RPAP2: variants seen among roughly 807,000 people sequenced by gnomAD.
The protein encoded by RPAP2 is putative RNA polymerase II subunit B1 CTD phosphatase RPAP2.
RPAP2 carries 52 observed loss-of-function variants against 73.1 expected under a neutral mutation model. The ratio of observed to expected loss-of-function variants is 0.71; its 90% CI spans 0.57 to 0.90. The LOEUF (loss-of-function observed/expected upper bound fraction) is 0.90, where lower values mean the gene tolerates loss of function less well. Ranked by LOEUF, RPAP2 falls within the 40% of genes least tolerant of loss-of-function variation. RPAP2 has a pLI of 0.00. For missense variants in RPAP2, 598 were observed against 701.8 expected (o/e 0.85, Z 1.67); for synonymous variants, 225 against 242.1 (o/e 0.93, Z 0.65).
intron 6 of RPAP2, among the ~76,000 whole-genome samples, chr1:92,313,484 A>G (rs531038586): frequency 1.4e-5 from 2 of 147,952 alleles, no homozygotes; most frequent in African/African-American, 5.0e-5. Context: ...CAGTTGGCTT[A>G]AAATATTCAG....
chr1:92,355,934 T>C (rs1172923709), intron 11 of RPAP2, among the ~76,000 whole-genome samples: 4 of 152,228 alleles, frequency 2.6e-5, no homozygotes, highest in Non-Finnish European at 4.4e-5. Context: ...ATCAAAGATA[T>C]GGAACTTTTC....
At chr1:92,314,172 T>C (rs996121037) in intron 6 of RPAP2, among the ~76,000 whole-genome samples, 4 of 152,212 alleles carry the variant, frequency 2.6e-5, no homozygotes, top group Non-Finnish European at 4.4e-5. Flanking sequence ...ACTGGCAAAA[T>C]AGGCCTAGCT....
chr1:92,325,739 A>G (rs1021849493), intron 8 of RPAP2, among the ~76,000 whole-genome samples: 1 of 152,076 alleles, frequency 6.6e-6, no homozygotes, highest in Non-Finnish European at 1.5e-5. Context: ...CCTCCTAATC[A>G]GCACCTCTTT....
intron 6 of RPAP2, among the ~76,000 whole-genome samples, chr1:92,320,288 T>C (rs1358758108): frequency 4.6e-5 from 7 of 152,144 alleles, no homozygotes; most frequent in Non-Finnish European, 1.0e-4. Flanking sequence ...TCTTTTTTTT[T>C]CTTAAGATGG....
chr1:92,380,115 CAAA>C (rs888455299), intron 11 of RPAP2, among the ~76,000 whole-genome samples: 1 of 146,542 alleles, frequency 6.8e-6, no homozygotes, highest in East Asian at 2.1e-4. Context: ...CCGTCTCTAC[CAAA>C]AAAACGAAAA....
intron 8 of RPAP2, among the ~76,000 whole-genome samples, chr1:92,325,601 C>T (rs2101189347): frequency 6.6e-6 from 1 of 152,034 alleles, no homozygotes; most frequent in Non-Finnish European, 1.5e-5. Flanking sequence ...AAAACATTTC[C>T]ATTGAAGTAC....
rs748005964 is a variant in RPAP2 at position 92,395,418 on chromosome 1, T to C, written c.*8407T>C. ...TCGGAAGCCAAGGAGGGTGGACCAC[T>C]TGAGCTCAGGAATTTGAGACCAGAC... On this transcript the variant is annotated 3_prime_UTR_variant, in exon 13 of 13. Coordinates refer to ENST00000610020, the MANE Select transcript of RPAP2 (RefSeq NM_024813.3). 5.3e-5 allele frequency: 8 copies of C among 152,050 alleles called. No individual in the cohort carries two copies. The highest frequency in any genetic ancestry group is 1.2e-4 in the Non-Finnish European group (8 of 68,010). The allele number at this position is 152,050 out of a possible 1,614,324, so 9.4% of individuals were successfully genotyped here.
chr1:92,340,385 A>G (rs1451790781), intron 10 of RPAP2, among the ~76,000 whole-genome samples: 2 of 152,338 alleles, frequency 1.3e-5, no homozygotes, highest in Admixed American at 1.3e-4. Context: ...AAGCTTCTGG[A>G]AAAATGCCAT....
At chr1:92,372,733 G>A (rs1415450387) in intron 11 of RPAP2, among the ~76,000 whole-genome samples, 1 of 152,086 alleles carries the variant, frequency 6.6e-6, no homozygotes, top group Admixed American at 6.6e-5. Flanking sequence ...GGGCAATATA[G>A]CAAGACACTA....
chr1:92,381,396 A>G (rs1655622103), intron 12 of RPAP2, among the ~76,000 whole-genome samples: 2 of 152,038 alleles, frequency 1.3e-5, no homozygotes, highest in African/African-American at 4.8e-5. Context: ...TACTATCCCA[A>G]ACCCTTCCCT....
In RPAP2 at chr1:92,395,980, C is replaced by G. The variant is rs900374920; in HGVS notation, c.*8969C>G. On this transcript the variant is annotated 3_prime_UTR_variant, in exon 13 of 13. Coordinates refer to ENST00000610020, the MANE Select transcript of RPAP2 (RefSeq NM_024813.3). ...TGGTGATGATGTGGAGAAACTGGAG[C>G]CCTAATGCATTGCTGGTGGGAATGT... 1 of 152,044 alleles carries G rather than the reference C, an allele frequency of 6.6e-6. No homozygotes were observed. The highest frequency in any genetic ancestry group is 1.5e-5 in the Non-Finnish European group (1 of 68,010). The allele number at this position is 152,044 out of a possible 1,614,324, so 9.4% of individuals were successfully genotyped here.
intron 11 of RPAP2, among the ~76,000 whole-genome samples, chr1:92,379,543 T>C (rs763764622): frequency 6.6e-6 from 1 of 152,156 alleles, no homozygotes; most frequent in Non-Finnish European, 1.5e-5. Flanking sequence ...TCTTTAGGAG[T>C]ACTTACTGGA....
intron 11 of RPAP2, among the ~76,000 whole-genome samples, chr1:92,356,814 G>T (rs887200279): frequency 4.0e-5 from 6 of 151,684 alleles, no homozygotes; most frequent in African/African-American, 1.2e-4. Flanking sequence ...TGTAATCCCA[G>T]CACTTTGGGA....
chr1:92,369,947 C>T (rs1342686664), intron 11 of RPAP2, among the ~76,000 whole-genome samples: 4 of 152,114 alleles, frequency 2.6e-5, no homozygotes, highest in Non-Finnish European at 4.4e-5. Flanking sequence ...TGCAGTGGTG[C>T]GATCTCGGCT....
At chr1:92,321,174 C>CA (rs1652233661) in intron 7 of RPAP2, among the ~76,000 whole-genome samples, 1 of 152,202 alleles carries the variant, frequency 6.6e-6, no homozygotes, top group African/African-American at 2.4e-5. Context: ...ACCTTAGTCA[C>CA]ATGGCGTTGA....
chr1:92,385,324 A>G (rs544619798), intron 12 of RPAP2, among the ~76,000 whole-genome samples: 1 of 152,374 alleles, frequency 6.6e-6, no homozygotes, highest in South Asian at 2.1e-4. Context: ...AGATGATGTT[A>G]AAGTAGTTTT....
intron 6 of RPAP2, among the ~76,000 whole-genome samples, chr1:92,314,565 C>A (rs1267040018): frequency 6.6e-5 from 10 of 151,788 alleles, no homozygotes; most frequent in Admixed American, 6.6e-4. Context: ...GCCTGGCCAA[C>A]AGGGTGAAAC....
In RPAP2 at chr1:92,317,133, A is replaced by T. The variant is rs567895505; in HGVS notation, c.489-3466A>T. ...TATAGAAAGGGCTTGGCCTAATTCGAATCCTAGATTTACTACTTGTTAGCT... is the reference window on the plus strand; with the variant it reads ...TATAGAAAGGGCTTGGCCTAATTCGTATCCTAGATTTACTACTTGTTAGCT... On this transcript the variant is annotated intron_variant, in intron 6 of 12. Coordinates refer to ENST00000610020, the MANE Select transcript of RPAP2 (RefSeq NM_024813.3). Among the ~76,000 whole-genome samples, 39 of 152,332 alleles carry T rather than the reference A, an allele frequency of 2.6e-4. 1 individual carries two copies. The South Asian group carries it at 5.8e-3, about 23-fold the overall frequency.
chr1:92,371,313 A>AT (rs1553155662), intron 11 of RPAP2, among the ~76,000 whole-genome samples: 1 of 138,132 alleles, frequency 7.2e-6, no homozygotes, highest in Non-Finnish European at 1.5e-5. Flanking sequence ...TCAAAAAAAA[A>AT]AAAAAAATAT....
Sources: allele counts gnomAD v4.1 joint callset (sites outside exome capture counted in the v4.1 genomes callset), GRCh38; gene constraint gnomAD v4.1.1; transcripts MANE v1.5; gene names NCBI Gene and HGNC (gene_info 2026-07-23, HGNC 2026-07-21).